The following ZNF827 variants were observed in gnomAD, a reference collection of about 807,000 sequenced individuals.
ZNF827 encodes zinc finger protein 827.
In ZNF827, 13 loss-of-function variants were observed where a neutral mutation model predicts 102.4. The observed-to-expected ratio is 0.13, with a 90% CI of 0.08 to 0.20. The LOEUF (loss-of-function observed/expected upper bound fraction) is 0.20. Among genes scored for constraint, ZNF827 ranks in the 10% least tolerant of loss-of-function variants. The pLI is 1.00. For missense variants in ZNF827, 1,103 were observed against 1,344.4 expected (o/e 0.82, Z 2.81); for synonymous variants, 523 against 536.2 (o/e 0.98, Z 0.34).
In ZNF827 at chr4:145,902,841, C is replaced by A; in HGVS notation, c.418G>T (p.Ala140Ser). The A allele has an allele frequency of 6.2e-7, 1 of 1,614,114 alleles. No homozygotes were observed. The highest frequency in any genetic ancestry group is 1.7e-5 in the Admixed American group (1 of 60,010). ...ACGGGGGACTCCACTCTGCCATTAGCCGTGGCTGCAGCATCGAGTTTGAGG... is the reference window on the plus strand; with the variant it reads ...ACGGGGGACTCCACTCTGCCATTAGACGTGGCTGCAGCATCGAGTTTGAGG... ...GSLKLDAAAT[A>S]NGRVESPVNV... is the part of the protein sequence containing the mutation. The change falls in exon 2 of 15, where the codon GCT becomes TCT. Residue 140 changes from alanine to serine, a missense_variant. By Grantham distance (99) the Ala-to-Ser change is moderately conservative. This residue lies in a region of ZNF827 where 441 missense variants were observed against 458.6 expected (regional missense o/e 0.96). Coordinates refer to ENST00000508784, the MANE Select transcript of ZNF827 (RefSeq NM_001306215.2). The surrounding 1 kb of genome is among the most constrained non-coding windows in gnomAD (Gnocchi z 4.3).
At chr4:145,892,446 A>C (rs747333590) in intron 2 of ZNF827, 31 bp from the exon 3 acceptor site, 8 of 1,586,558 alleles carry the variant, frequency 5.0e-6, no homozygotes, top group Middle Eastern at 3.4e-4. Flanking sequence ...AGGACCATTA[A>C]GGAAAACAAA....
intron 4 of ZNF827, among the ~76,000 whole-genome samples, chr4:145,881,784 C>G (rs1238475059): frequency 6.6e-6 from 1 of 152,148 alleles, no homozygotes; most frequent in Non-Finnish European, 1.5e-5. Flanking sequence ...ACAGGCCTAT[C>G]TCATACCACC....
At chr4:145,811,850 T>TA (rs1038120568) in intron 8 of ZNF827, among the ~76,000 whole-genome samples, 2 of 152,186 alleles carry the variant, frequency 1.3e-5, no homozygotes, top group East Asian at 3.9e-4. Context: ...GCTCATTTGA[T>TA]AAAAAAGGTT....
intron 1 of ZNF827, among the ~76,000 whole-genome samples, chr4:145,926,418 A>C (rs567387251): frequency 1.3e-5 from 2 of 152,342 alleles, no homozygotes; most frequent in East Asian, 1.9e-4. Flanking sequence ...GCAGTTTATC[A>C]ATTTCTCCCT....
chr4:145,796,623 CTTT>C (rs34553120), intron 8 of ZNF827, among the ~76,000 whole-genome samples: 3 of 113,928 alleles, frequency 2.6e-5, no homozygotes, highest in African/African-American at 3.7e-5. Flanking sequence ...ATTTGTTCCT[CTTT>C]TTTTTTTTTT....
At chr4:145,874,118 T>G (rs902065305) in intron 4 of ZNF827, among the ~76,000 whole-genome samples, 2 of 152,128 alleles carry the variant, frequency 1.3e-5, no homozygotes, top group African/African-American at 4.8e-5. Flanking sequence ...TCTAGAAGCA[T>G]TAGTCAGAGT....
chr4:145,832,139 C>T (rs899723299), intron 7 of ZNF827: 1 of 152,246 alleles, frequency 6.6e-6, no homozygotes, highest in African/African-American at 2.4e-5. Context: ...GTGGTGCATG[C>T]CTGTAGTCCC....
At position 145,763,371 on chromosome 4, in the gene ZNF827, G is replaced by A. The variant is rs1476411605; in HGVS notation, c.3231-249C>T. On this transcript the variant is annotated intron_variant, in intron 13 of 14. Transcript: ENST00000508784. This position sits in a 1 kb window ranked among gnomAD's most constrained non-coding sequence, Gnocchi z 4.6. ...CAAATTAATTCTCTGATATGGCAAAGGAAACAAAACAAAACAAAACAAAGA... is the reference window on the plus strand; with the variant it reads ...CAAATTAATTCTCTGATATGGCAAAAGAAACAAAACAAAACAAAACAAAGA... Among the ~76,000 whole-genome samples the A allele has an allele frequency of 6.6e-6, 1 of 152,152 alleles. No homozygotes were observed. Among genetic ancestry groups the A allele is most frequent in the Non-Finnish European group, 1.5e-5 (1 of 68,024 alleles).
chr4:145,858,744 C>T (rs1359207119), intron 5 of ZNF827, among the ~76,000 whole-genome samples: 1 of 152,050 alleles, frequency 6.6e-6, no homozygotes, highest in Non-Finnish European at 1.5e-5. Flanking sequence ...CAAAGGCCAT[C>T]TCTGTCAACT....
At chr4:145,923,578 G>A (rs1753227417) in intron 1 of ZNF827, among the ~76,000 whole-genome samples, 1 of 152,028 alleles carries the variant, frequency 6.6e-6, no homozygotes, top group African/African-American at 2.4e-5. Context: ...ACTCCAGCCT[G>A]GGCAACAGAG....
intron 7 of ZNF827, among the ~76,000 whole-genome samples, chr4:145,838,987 C>T (rs1345185509): frequency 6.6e-6 from 1 of 152,152 alleles, no homozygotes; most frequent in Non-Finnish European, 1.5e-5. Flanking sequence ...TCAATTATGA[C>T]CCTCAGTATC....
At chr4:145,813,043 C>T (rs780872531) in intron 8 of ZNF827, among the ~76,000 whole-genome samples, 1 of 152,168 alleles carries the variant, frequency 6.6e-6, no homozygotes, top group Admixed American at 6.5e-5. Context: ...CTACCTGGGA[C>T]GTGAGTCACC....
intron 5 of ZNF827, among the ~76,000 whole-genome samples, chr4:145,868,975 T>G (rs192553324): frequency 3.2e-4 from 49 of 152,332 alleles, no homozygotes; most frequent in Middle Eastern, 3.4e-3. Flanking sequence ...ATACAAAAAA[T>G]GTGTTCACTT....
At chr4:145,793,277 T>C (rs887101338) in intron 8 of ZNF827, among the ~76,000 whole-genome samples, 1 of 39,034 alleles carries the variant, frequency 2.6e-5, no homozygotes, top group African/African-American at 9.4e-5. Context: ...CTTATATATA[T>C]ATAATATATA....
At chr4:145,806,460 A>G (rs187478284) in intron 8 of ZNF827, among the ~76,000 whole-genome samples, 14 of 152,232 alleles carry the variant, frequency 9.2e-5, no homozygotes, top group African/African-American at 3.1e-4. Flanking sequence ...TGGGCCATGA[A>G]TGAATGAACT....
At chr4:145,844,382 A>G (rs1745704658) in intron 7 of ZNF827, among the ~76,000 whole-genome samples, 1 of 151,642 alleles carries the variant, frequency 6.6e-6, no homozygotes, top group Non-Finnish European at 1.5e-5. Context: ...CCCTAAAACT[A>G]TATAAACCCA....
chr4:145,922,912 T>C (rs1334523428), intron 1 of ZNF827, among the ~76,000 whole-genome samples: 1 of 152,232 alleles, frequency 6.6e-6, no homozygotes, highest in Non-Finnish European at 1.5e-5. Context: ...ACATGTATCT[T>C]ACACTGTGAA....
chr4:145,917,700 C>CAAAAAAAAAAAAAAAAAAAA (rs763617063), intron 1 of ZNF827, among the ~76,000 whole-genome samples: 6 of 46,850 alleles, frequency 1.3e-4, no homozygotes, highest in African/African-American at 3.0e-4. Context: ...GGTAGCTGGT[C>CAAAAAAAAAAAAAAAAAAAA]AAAAAAAAAA....
intron 2 of ZNF827, among the ~76,000 whole-genome samples, chr4:145,897,970 C>T (rs1751104680): frequency 1.3e-5 from 2 of 152,156 alleles, no homozygotes; most frequent in Admixed American, 1.3e-4. Flanking sequence ...GCCTTACTAA[C>T]ATGGCGAAAC....
Sources: allele counts gnomAD v4.1 joint callset (sites outside exome capture counted in the v4.1 genomes callset), GRCh38; gene constraint gnomAD v4.1.1; regional missense constraint gnomAD v4.1.1; non-coding constraint Gnocchi (gnomAD v3.1); transcripts MANE v1.5; gene names NCBI Gene and HGNC (gene_info 2026-07-23, HGNC 2026-07-21).